PARD3B: variants seen among roughly 807,000 people sequenced by gnomAD.
PARD3B encodes the protein par-3 family cell polarity regulator beta, also known as partitioning defective 3 homolog B.
A neutral mutation model predicts 130.2 loss-of-function variants in PARD3B; 103 were observed. That is an observed-to-expected ratio of 0.79 (90% CI 0.67 to 0.93). The LOEUF is 0.93. PARD3B is among the 40% of genes least tolerant of loss of function. PARD3B has a pLI of 0.00. For missense variants in PARD3B, 1,609 were observed against 1,499.2 expected (o/e 1.07, Z -1.21); for synonymous variants, 583 against 553.2 (o/e 1.05, Z -0.76).
intron 16 of PARD3B, among the ~76,000 whole-genome samples, chr2:205,278,153 G>T (rs2041025271): frequency 6.6e-6 from 1 of 152,158 alleles, no homozygotes; most frequent in Non-Finnish European, 1.5e-5. Flanking sequence ...GCAATTAGGA[G>T]GCAATTGGTG....
At chr2:204,749,854 TTTTTC>T (rs2040392214) in intron 2 of PARD3B, among the ~76,000 whole-genome samples, 1 of 152,226 alleles carries the variant, frequency 6.6e-6, no homozygotes, top group Non-Finnish European at 1.5e-5. Context: ...GTGGCTCTGA[TTTTTC>T]TTTTTTTAAA....
At chr2:204,936,875 T>C (rs1688499606) in intron 2 of PARD3B, among the ~76,000 whole-genome samples, 1 of 152,192 alleles carries the variant, frequency 6.6e-6, no homozygotes, top group Non-Finnish European at 1.5e-5. Flanking sequence ...AAAACACACA[T>C]AGAATTTGAT....
rs2042474895 is a variant in PARD3B, at chr2:204,799,096, TG to T, written c.222+112816del. Among the ~76,000 whole-genome samples the T allele has an allele frequency of 6.6e-6, 1 of 152,096 alleles. No homozygotes were observed. Among genetic ancestry groups the T allele is most frequent in the South Asian group, 2.1e-4 (1 of 4,822 alleles). ...GACCCTGAGTCCAGGCTTTGGCTCC[TG>T]GACATTATTTTTGGACCTGCTATGG... On this transcript the variant is annotated intron_variant, in intron 2 of 22. Transcript: ENST00000406610. This position sits in a 1 kb window ranked among gnomAD's most constrained non-coding sequence, Gnocchi z 4.1.
At chr2:204,849,150 T>C (rs1275870899) in intron 2 of PARD3B, among the ~76,000 whole-genome samples, 3 of 152,074 alleles carry the variant, frequency 2.0e-5, no homozygotes, top group South Asian at 2.1e-4. Context: ...GAAAAAGACA[T>C]CCACTGAGAT....
intron 1 of PARD3B, among the ~76,000 whole-genome samples, chr2:204,551,384 G>T (rs1227776248): frequency 6.6e-6 from 1 of 152,148 alleles, no homozygotes; most frequent in African/African-American, 2.4e-5. Flanking sequence ...TAATGCTTCA[G>T]TCTCCATTAT....
intron 3 of PARD3B, among the ~76,000 whole-genome samples, chr2:204,968,514 G>T (rs1365371720): frequency 6.6e-6 from 1 of 152,048 alleles, no homozygotes; most frequent in East Asian, 1.9e-4. Context: ...CACCTTTATT[G>T]CTGGCCAGTC....
intron 20 of PARD3B, among the ~76,000 whole-genome samples, chr2:205,483,590 C>T (rs1001009993): frequency 6.6e-5 from 10 of 152,124 alleles, no homozygotes; most frequent in Admixed American, 3.3e-4. Context: ...TCCTCGCTCT[C>T]CCTCCCCTCT....
chr2:205,001,424 G>A (rs1694820315), intron 3 of PARD3B, among the ~76,000 whole-genome samples: 1 of 152,070 alleles, frequency 6.6e-6, no homozygotes, highest in Non-Finnish European at 1.5e-5. Flanking sequence ...CTGTATCTTG[G>A]TAACCAAATA....
intron 21 of PARD3B, among the ~76,000 whole-genome samples, chr2:205,524,882 G>A (rs570239975): frequency 3.3e-5 from 5 of 152,254 alleles, no homozygotes; most frequent in African/African-American, 1.2e-4. Flanking sequence ...ACTCCTCAAT[G>A]ACTCACACTG....
At chr2:204,936,159 C>T (rs1688436860) in intron 2 of PARD3B, among the ~76,000 whole-genome samples, 1 of 152,238 alleles carries the variant, frequency 6.6e-6, no homozygotes, top group South Asian at 2.1e-4. Flanking sequence ...ACTCCGCAGC[C>T]AGGAAGAGAA....
At chr2:204,667,634 T>C (rs2036084930) in intron 1 of PARD3B, among the ~76,000 whole-genome samples, 1 of 152,146 alleles carries the variant, frequency 6.6e-6, no homozygotes, top group African/African-American at 2.4e-5. Flanking sequence ...TGGACTCTCT[T>C]CTAGTCTAAT....
chr2:205,524,114 G>T (rs772618898), intron 21 of PARD3B, among the ~76,000 whole-genome samples: 5 of 151,882 alleles, frequency 3.3e-5, no homozygotes, highest in Non-Finnish European at 7.4e-5. Flanking sequence ...TCTCTATCTG[G>T]ATCTTAGGGG....
At chr2:204,574,161 A>G (rs575889366) in intron 1 of PARD3B, among the ~76,000 whole-genome samples, 1 of 152,236 alleles carries the variant, frequency 6.6e-6, no homozygotes, top group South Asian at 2.1e-4. Flanking sequence ...GCCAAGTTGG[A>G]GCTGTTTAAG....
intron 3 of PARD3B, among the ~76,000 whole-genome samples, chr2:205,032,686 GC>G (rs1553601363): frequency 6.6e-6 from 1 of 152,094 alleles, no homozygotes; most frequent in Non-Finnish European, 1.5e-5. Context: ...GGCCTGAGTG[GC>G]CCTTTCCTGT....
At chr2:204,788,372 A>G (rs1381660925) in intron 2 of PARD3B, among the ~76,000 whole-genome samples, 3 of 152,256 alleles carry the variant, frequency 2.0e-5, no homozygotes, top group Non-Finnish European at 4.4e-5. Context: ...AGACAGAGGC[A>G]TAGACCTCAC....
intron 2 of PARD3B, among the ~76,000 whole-genome samples, chr2:204,800,106 G>A (rs1196551248): frequency 6.6e-6 from 1 of 152,298 alleles, no homozygotes; most frequent in African/African-American, 2.4e-5. Flanking sequence ...TAGCTGTTCC[G>A]AGGAAGATCA....
intron 22 of PARD3B, among the ~76,000 whole-genome samples, chr2:205,581,642 T>C (rs1031444023): frequency 1.3e-5 from 2 of 151,502 alleles, no homozygotes; most frequent in Non-Finnish European, 2.9e-5. Flanking sequence ...TGATAAATGC[T>C]TGAGGTGGTG....
intron 2 of PARD3B, among the ~76,000 whole-genome samples, chr2:204,892,218 G>T (rs1182195858): frequency 6.6e-6 from 1 of 152,164 alleles, no homozygotes; most frequent in African/African-American, 2.4e-5. Flanking sequence ...ATAGTCTGGA[G>T]TGTGCTTAGG....
rs2033730620 is a variant in PARD3B, at chr2:204,606,507, A to G, written c.120+60388A>G. On this transcript the variant is annotated intron_variant, in intron 1 of 22. Transcript: ENST00000406610. The surrounding 1 kb of genome is among the most constrained non-coding windows in gnomAD (Gnocchi z 4.0). ...GTAGAAATAAATGCACTGACTTTTA[A>G]AGCTTCTGCACAGAGAGACCCATGT... is the stretch of plus-strand genomic sequence containing the variant. Among the ~76,000 whole-genome samples the G allele has an allele frequency of 6.6e-6, 1 of 152,132 alleles. No individual in the cohort carries two copies.
Sources: allele counts gnomAD v4.1 joint callset (sites outside exome capture counted in the v4.1 genomes callset), GRCh38; gene constraint gnomAD v4.1.1; non-coding constraint Gnocchi (gnomAD v3.1); transcripts MANE v1.5; gene names NCBI Gene and HGNC (gene_info 2026-07-23, HGNC 2026-07-21).